The following USP54 variants were observed in gnomAD, a reference collection of about 807,000 sequenced individuals.
The protein encoded by USP54 is ubiquitin carboxyl-terminal hydrolase 54.
In USP54, 87 loss-of-function variants were observed where a neutral mutation model predicts 170.5. The observed-to-expected ratio is 0.51, with a 90% confidence interval of 0.43 to 0.61. USP54 has a LOEUF of 0.61. Among genes scored for constraint, USP54 ranks in the 20% least tolerant of loss-of-function variants. The pLI, the probability that USP54 is intolerant of heterozygous loss-of-function variation, is 0.00. For missense variants in USP54, 1,786 were observed against 2,047.8 expected, an observed-to-expected ratio of 0.87 and a Z score of 2.47; for synonymous variants, 655 against 742.8, an observed-to-expected ratio of 0.88 and a Z score of 1.92.
chr10:73,514,972 G>A (rs758165112), intron 20 of USP54, among the ~76,000 whole-genome samples: 2 of 150,452 alleles, frequency 1.3e-5, no homozygotes, highest in Non-Finnish European at 3.0e-5. Context: ...CCCGGGAGGC[G>A]GAGGTTGCAG....
intron 20 of USP54, among the ~76,000 whole-genome samples, chr10:73,509,291 T>G (rs1031896557): frequency 6.6e-6 from 1 of 151,454 alleles, no homozygotes; most frequent in Non-Finnish European, 1.5e-5. Context: ...TATAATAATA[T>G]TATTGGTTTG....
Position 73,559,266 on chromosome 10 carries a change from CA to C in USP54, c.240+12154del, listed in dbSNP as rs2072138751. ...TGAAACCCTGTCTCTACTAAAAATACAAAAAATTAGTAGGCTGGGCGCGGTG... is the reference window on the plus strand; with the variant it reads ...TGAAACCCTGTCTCTACTAAAAATACAAAAATTAGTAGGCTGGGCGCGGTG... On this transcript the variant is annotated intron_variant, in intron 4 of 23. Coordinates refer to ENST00000687698, the MANE Select transcript of USP54 (RefSeq NM_001391956.1). Among the ~76,000 whole-genome samples the C allele has an allele frequency of 3.3e-5, 5 of 151,554 alleles. No homozygotes were observed. In the South Asian group the frequency reaches 1.0e-3, roughly 32 times the overall value.
In USP54 at chr10:73,542,670, G is replaced by A. The variant is rs551014919; in HGVS notation, c.572+133C>T. 23 of 794,808 alleles carry A rather than the reference G, an allele frequency of 2.9e-5. No homozygotes were observed. In the African/African-American group the frequency reaches 3.8e-4, roughly 13 times the overall value. The allele number at this position is 794,808 out of a possible 1,614,324, so 49.2% of individuals were successfully genotyped here. Reference sequence around the variant, plus strand: ...CGCTTGAACCCAGGAGGCGGAGGTTGCAGTAAGCCGAGATTGTGCCACTGC... The same window carrying A: ...CGCTTGAACCCAGGAGGCGGAGGTTACAGTAAGCCGAGATTGTGCCACTGC... On this transcript the variant is annotated intron_variant, in intron 7 of 23. Coordinates refer to ENST00000687698, the MANE Select transcript of USP54 (RefSeq NM_001391956.1).
chr10:73,534,401 G>A (rs1207595261), intron 12 of USP54, among the ~76,000 whole-genome samples, 199 bp downstream of exon 12: 1 of 151,842 alleles, frequency 6.6e-6, no homozygotes, highest in Non-Finnish European at 1.5e-5. Context: ...TAGTAGAGAC[G>A]GAGTTTCACC....
Position 73,617,249 on chromosome 10 carries a change from T to C in USP54, c.-18+8318A>G, listed in dbSNP as rs1352854333. On this transcript the variant is annotated intron_variant, in intron 1 of 22. Transcript: ENST00000339859. ...AGGTGGAGGTTGCGGTGAGCTGAGATCGCACCATTGCACTGCAGCCTGGGC... is the reference window on the plus strand; with the variant it reads ...AGGTGGAGGTTGCGGTGAGCTGAGACCGCACCATTGCACTGCAGCCTGGGC... 2.7e-5 allele frequency among the ~76,000 whole-genome samples: 4 copies of C among 149,864 alleles called. 1 individual carries two copies. The highest frequency in any genetic ancestry group is 7.6e-5 in the African/African-American group (3 of 39,480).
intron 1 of USP54, among the ~76,000 whole-genome samples, chr10:73,620,924 G>A (rs933113338): frequency 5.3e-5 from 8 of 150,502 alleles, no homozygotes; most frequent in Non-Finnish European, 8.8e-5. Context: ...GGGAGGCTGA[G>A]GCGGGTGGAT....
intron 10 of USP54, 135 bp downstream of exon 10, chr10:73,539,309 T>A (rs2005519): frequency 0.068 from 13,999 of 204,682 alleles, 448 homozygotes; most frequent in Admixed American, 0.13. Flanking sequence ...AAAAAAAAAA[T>A]ATATATATAT....
rs1426044821 is a variant in USP54 at position 73,530,337 on chromosome 10, G to A, written c.1634C>T (p.Pro545Leu). 2.5e-6 allele frequency: 4 copies of A among 1,614,050 alleles called. No homozygotes were observed. The highest frequency in any genetic ancestry group is 2.5e-6 in the Non-Finnish European group (3 of 1,179,978). Residue 545 changes from proline (P) to leucine (L), a missense_variant, in exon 14 of 24, where the codon CCT (proline) becomes CTT (leucine). By Grantham distance (98) the Pro-to-Leu change is moderately conservative. Around this residue, in one of 3 missense-constraint regions of USP54, gnomAD observed 1,418 missense variants for 1,569.0 expected, o/e 0.90. Coordinates refer to ENST00000687698, the MANE Select transcript of USP54 (RefSeq NM_001391956.1). ...RGGDQPDKKP[P>L]RTLPLHSRDW... ...ACGAGAGTGTAAAGGCAGGGTCCTA[G>A]GAGGTTTTTTGTCAGGCTGGTCTCC...
intron 1 of USP54, among the ~76,000 whole-genome samples, chr10:73,619,532 C>CA (rs536966553): frequency 0.088 from 8,591 of 97,388 alleles, 1,118 homozygotes; most frequent in African/African-American, 0.28. Flanking sequence ...GACTCCATCT[C>CA]AAAAAAAAAA....
chr10:73,521,771 C>G (rs557511386), intron 17 of USP54, among the ~76,000 whole-genome samples: 51 of 152,336 alleles, frequency 3.3e-4, no homozygotes, highest in African/African-American at 1.2e-3. Context: ...CCTTCCCATA[C>G]AGCAAGCAGG....
chr10:73,560,302 C>G lies in USP54; in HGVS notation c.240+11119G>C, dbSNP rs145843258. The stretch of plus-strand genomic sequence containing the variant: ...GTCTTTTCCATCATCACTCTAGCCT[C>G]ACCCACAATACACACATATTTCACC... On this transcript the variant is annotated intron_variant, in intron 4 of 23. Coordinates refer to ENST00000687698, the MANE Select transcript of USP54 (RefSeq NM_001391956.1). Among the ~76,000 whole-genome samples the G allele has an allele frequency of 2.0e-5, 3 of 152,072 alleles. No individual in the cohort carries two copies. The South Asian group carries it at 6.2e-4, about 32-fold the overall frequency.
chr10:73,604,820 A>G (rs2079491568), intron 1 of USP54, among the ~76,000 whole-genome samples: 1 of 152,060 alleles, frequency 6.6e-6, no homozygotes, highest in Non-Finnish European at 1.5e-5. Flanking sequence ...CAGCTCTTAA[A>G]GGTGGCACAG....
intron 9 of USP54, 33 bp from the exon 10 acceptor site, chr10:73,539,626 C>T (rs1339376163): frequency 3.2e-6 from 5 of 1,559,890 alleles, no homozygotes; most frequent in Non-Finnish European, 4.4e-6. Context: ...AAAGCACAGT[C>T]ACATATTCAA....
At position 73,524,317 on chromosome 10, in the gene USP54, C is replaced by T. The variant is rs181841393; in HGVS notation, c.2195-567G>A. Among the ~76,000 whole-genome samples the T allele has an allele frequency of 5.9e-3, 897 of 151,996 alleles. 9 individuals carry two copies. The highest frequency in any genetic ancestry group is 0.02 in the African/African-American group (849 of 41,462). Reference sequence around the variant, plus strand: ...ACAACAGGCCGGGCATGGTGACTCACGCCTGTAATCCCAGCACTCTGGGAG... The same window carrying T: ...ACAACAGGCCGGGCATGGTGACTCATGCCTGTAATCCCAGCACTCTGGGAG... On this transcript the variant is annotated intron_variant, in intron 16 of 23. Coordinates refer to ENST00000687698, the MANE Select transcript of USP54 (RefSeq NM_001391956.1).
At chr10:73,537,752 T>TAAAAAA (rs11285755) in intron 10 of USP54, 1 of 129,984 alleles carries the variant, frequency 7.7e-6, no homozygotes, top group Admixed American at 7.6e-5. Context: ...ACACACACAT[T>TAAAAAA]AAAAAAAAAA....
chr10:73,604,234 C>G (rs527849742), intron 1 of USP54, among the ~76,000 whole-genome samples: 1 of 151,888 alleles, frequency 6.6e-6, no homozygotes, highest in East Asian at 1.9e-4. Flanking sequence ...GGCGACAGAG[C>G]GAGAGTCCAT....
chr10:73,558,522 C>T (rs1184669286), intron 4 of USP54, among the ~76,000 whole-genome samples: 2 of 152,050 alleles, frequency 1.3e-5, no homozygotes, highest in Non-Finnish European at 2.9e-5. Context: ...CATGAACCAC[C>T]GCACCTGGCC....
intron 1 of USP54, among the ~76,000 whole-genome samples, chr10:73,578,630 CCT>C (rs1211879860): frequency 6.6e-6 from 1 of 152,120 alleles, no homozygotes; most frequent in African/African-American, 2.4e-5. Context: ...GTCTCAAACC[CCT>C]GACTTCAGGT....
intron 4 of USP54, among the ~76,000 whole-genome samples, chr10:73,560,654 A>C: frequency 8.4e-6 from 1 of 118,402 alleles, no homozygotes; most frequent in South Asian, 2.7e-4. Flanking sequence ...ACAGTGCAAA[A>C]CTCCGTCTCA....
Sources: gnomAD v4.1 joint callset for allele counts (sites outside exome capture counted in the v4.1 genomes callset) on GRCh38, gnomAD v4.1.1 for gene constraint, gnomAD v4.1.1 regional missense constraint, MANE v1.5 for transcripts, NCBI Gene and HGNC (gene_info 2026-07-23, HGNC 2026-07-21) for gene names.